Variants in SIRT1 observed in about 807,000 individuals in gnomAD.
SIRT1 encodes NAD-dependent protein deacetylase sirtuin-1.
Under a neutral mutation model 67.9 loss-of-function variants are expected in SIRT1, and 24 were observed. The observed-to-expected ratio is 0.35, with a 90% CI of 0.26 to 0.50. The LOEUF is 0.50. Ranked by LOEUF, SIRT1 falls within the 20% of genes least tolerant of loss-of-function variation. The pLI, the probability that SIRT1 is intolerant of heterozygous loss-of-function variation, is 0.98. For missense variants in SIRT1, 873 were observed against 937.2 expected (o/e 0.93, Z 0.89); for synonymous variants, 378 against 350.7 (o/e 1.08, Z -0.87).
chr10:67,903,171 A>G (rs1394546520), intron 4 of SIRT1, among the ~76,000 whole-genome samples: 1 of 152,046 alleles, frequency 6.6e-6, no homozygotes, highest in African/African-American at 2.4e-5. Flanking sequence ...ATAGAGTACT[A>G]CAGCTCCCTA....
chr10:67,910,834 AGAG>A (rs972884786), intron 7 of SIRT1, among the ~76,000 whole-genome samples: 1 of 152,222 alleles, frequency 6.6e-6, no homozygotes, highest in Non-Finnish European at 1.5e-5. Flanking sequence ...GTTTAGAATC[AGAG>A]GAGGAGAGAG....
chr10:67,913,133 A>G (rs1842924217), intron 8 of SIRT1, 102 bp downstream of exon 8: 2 of 1,169,962 alleles, frequency 1.7e-6, no homozygotes, highest in Admixed American at 2.8e-5. Flanking sequence ...AGCTTTATGT[A>G]GTTGATTCTG....
At chr10:67,895,475 T>G (rs528245560) in intron 4 of SIRT1, among the ~76,000 whole-genome samples, 1 of 152,286 alleles carries the variant, frequency 6.6e-6, no homozygotes, top group East Asian at 1.9e-4. Flanking sequence ...TTACTGAATT[T>G]CTAAATATTA....
At chr10:67,893,751 G>A (rs1487690637) in intron 4 of SIRT1, among the ~76,000 whole-genome samples, 2 of 152,066 alleles carry the variant, frequency 1.3e-5, no homozygotes, top group Non-Finnish European at 2.9e-5. Flanking sequence ...CACTATGTTG[G>A]CCAGGTTGGT....
chr10:67,907,134 A>G (rs1464866896), intron 5 of SIRT1, among the ~76,000 whole-genome samples, 197 bp downstream of exon 5: 3 of 152,204 alleles, frequency 2.0e-5, no homozygotes, highest in Non-Finnish European at 4.4e-5. Flanking sequence ...AATTATAGAA[A>G]ACCTCAGATA....
At chr10:67,907,700 G>C (rs1288407008) in intron 5 of SIRT1, among the ~76,000 whole-genome samples, 1 of 152,120 alleles carries the variant, frequency 6.6e-6, no homozygotes, top group Non-Finnish European at 1.5e-5. Context: ...TAAGGTAATA[G>C]AGTTGGAACT....
chr10:67,913,731 A>G (rs954496892), intron 8 of SIRT1, among the ~76,000 whole-genome samples: 2 of 152,228 alleles, frequency 1.3e-5, no homozygotes, highest in Non-Finnish European at 2.9e-5. Flanking sequence ...ATGTTAAAAA[A>G]AAGAAAACCA....
chr10:67,885,396 C>T lies in SIRT1; in HGVS notation c.430+245C>T, dbSNP rs1842460599. 4.9e-6 allele frequency: 6 copies of T among 1,229,598 alleles called. No individual in the cohort carries two copies. In the Admixed American group the frequency reaches 2.5e-4, roughly 52 times the overall value. 76.2% of individuals were successfully genotyped at this position (1,229,598 alleles called of 1,614,324 possible). ...GGCGGCCTTGTTCTTTCCGCAGCAG[C>T]CAGGTCGGGAGACTCTCGCAGTCGC... On this transcript the variant is annotated intron_variant, in intron 1 of 8. Transcript: ENST00000212015.
At chr10:67,915,470 A>G (rs1325824102) in intron 8 of SIRT1, among the ~76,000 whole-genome samples, 1 of 152,198 alleles carries the variant, frequency 6.6e-6, no homozygotes, top group African/African-American at 2.4e-5. Flanking sequence ...TTCACATTAC[A>G]TCTTAGAGGA....
chr10:67,888,153 T>C (rs1160936202), intron 2 of SIRT1, among the ~76,000 whole-genome samples: 1 of 152,138 alleles, frequency 6.6e-6, no homozygotes, highest in African/African-American at 2.4e-5. Context: ...GTGAATGAAA[T>C]GGGAAAGTAT....
chr10:67,912,086 A>G (rs1842909509), intron 7 of SIRT1, among the ~76,000 whole-genome samples: 2 of 152,110 alleles, frequency 1.3e-5, no homozygotes, highest in Non-Finnish European at 2.9e-5. Context: ...ATCAGGAGCT[A>G]CTTAAGTAGA....
intron 4 of SIRT1, among the ~76,000 whole-genome samples, chr10:67,897,294 T>G (rs1010521869): frequency 6.6e-6 from 1 of 151,728 alleles, no homozygotes; most frequent in Non-Finnish European, 1.5e-5. Context: ...TATTTTGTTT[T>G]TTTTTTTTTG....
At chr10:67,906,230 A>G (rs1339090500) in intron 4 of SIRT1, 1 of 1,527,718 alleles carries the variant, frequency 6.5e-7, no homozygotes, top group Non-Finnish European at 8.8e-7. Flanking sequence ...CTCAGCATTC[A>G]TGAGCAACTC....
At chr10:67,897,001 CA>C (rs1842668367) in intron 4 of SIRT1, among the ~76,000 whole-genome samples, 1 of 151,770 alleles carries the variant, frequency 6.6e-6, no homozygotes, top group South Asian at 2.1e-4. Flanking sequence ...ACTAAGAATA[CA>C]AAAAATAGCC....
At chr10:67,896,716 C>T (rs566218211) in intron 4 of SIRT1, among the ~76,000 whole-genome samples, 11 of 139,282 alleles carry the variant, frequency 7.9e-5, no homozygotes, top group South Asian at 2.4e-4. Flanking sequence ...GAGCTGAGAT[C>T]GCGCTGCTGT....
At chr10:67,886,745 A>G (rs972550693) in intron 1 of SIRT1, among the ~76,000 whole-genome samples, 1 of 151,996 alleles carries the variant, frequency 6.6e-6, no homozygotes, top group Non-Finnish European at 1.5e-5. Context: ...TAACGTGCGC[A>G]TTGCCAAGGT....
At chr10:67,914,462 C>A (rs561655028) in intron 8 of SIRT1, among the ~76,000 whole-genome samples, 1 of 152,094 alleles carries the variant, frequency 6.6e-6, no homozygotes. Context: ...AAAGAGCAGA[C>A]GTGTTCACAG....
In SIRT1 at chr10:67,912,782, T is replaced by G. The variant is rs377735046; in HGVS notation, c.1666T>G (p.Leu556Val). Residue 556 changes from leucine (L) to valine (V), a missense_variant, in exon 8 of 9, where the codon TTA becomes GTA. Leu to Val is a conservative substitution (Grantham distance 32). This residue lies in a region of SIRT1 where 295 missense variants were observed against 294.5 expected (regional missense o/e 1.00). Coordinates refer to ENST00000212015, the MANE Select transcript of SIRT1 (RefSeq NM_012238.5). ...AGATTCTTCAGTGATTGTCACACTT[T>G]TAGACCAAGCAGCTAAGAGTAATGA... ...PPDSSVIVTL[L>V]DQAAKSNDDL... The G allele has an allele frequency of 1.9e-6, 3 of 1,614,040 alleles. No homozygotes were observed. Among genetic ancestry groups the G allele is most frequent in the African/African-American group, 2.7e-5 (2 of 74,936 alleles).
At chr10:67,900,933 C>T (rs910210588) in intron 4 of SIRT1, among the ~76,000 whole-genome samples, 11 of 152,022 alleles carry the variant, frequency 7.2e-5, no homozygotes, top group African/African-American at 2.4e-5. Context: ...AATAGTTGTA[C>T]GTGTACATTA....
Sources: gnomAD v4.1 joint callset for allele counts (sites outside exome capture counted in the v4.1 genomes callset) on GRCh38, gnomAD v4.1.1 for gene constraint, gnomAD v4.1.1 regional missense constraint, MANE v1.5 for transcripts, NCBI Gene and HGNC (gene_info 2026-07-23, HGNC 2026-07-21) for gene names.